MAN1C1: variants seen among roughly 807,000 people sequenced by gnomAD.
The protein encoded by MAN1C1 is mannosidase alpha class 1C member 1.
A neutral mutation model predicts 71.5 loss-of-function variants in MAN1C1; 49 were observed. The observed-to-expected ratio is 0.69, with a 90% CI of 0.54 to 0.87. The LOEUF (loss-of-function observed/expected upper bound fraction) is 0.87. MAN1C1 is among the 40% of genes least tolerant of loss of function. The pLI, the probability that MAN1C1 is intolerant of heterozygous loss-of-function variation, is 0.00. For synonymous variants in MAN1C1, 352 were observed against 343.7 expected, an observed-to-expected ratio of 1.02 and a Z score of -0.27; for missense variants, 743 against 835.0, an observed-to-expected ratio of 0.89 and a Z score of 1.36.
At chr1:25,759,025 T>C (rs2047326776) in intron 6 of MAN1C1, 1 of 286,804 alleles carries the variant, frequency 3.5e-6, no homozygotes, top group Non-Finnish European at 6.7e-6. Context: ...CTGGAGAAAG[T>C]GCAACTGAAA....
chr1:25,757,079 C>T (rs1218280570), intron 5 of MAN1C1, among the ~76,000 whole-genome samples: 3 of 152,096 alleles, frequency 2.0e-5, no homozygotes, highest in African/African-American at 7.2e-5. Context: ...GGTAAGTGTC[C>T]CTACTTTCCC....
At chr1:25,648,134 A>AGATGGCATCTTATAAGATG (rs1553182967) in intron 1 of MAN1C1, among the ~76,000 whole-genome samples, 1 of 152,210 alleles carries the variant, frequency 6.6e-6, no homozygotes, top group African/African-American at 2.4e-5. Flanking sequence ...CCATCTTATA[A>AGATGGCATCTTATAAGATG]GCAGCATTAG....
intron 1 of MAN1C1, among the ~76,000 whole-genome samples, chr1:25,641,459 G>A (rs1010412934): frequency 2.0e-5 from 3 of 152,236 alleles, no homozygotes; most frequent in Admixed American, 6.5e-5. Context: ...ATGGAAGAGC[G>A]TAGAAACTGT....
At chr1:25,654,885 T>C (rs1353357429) in intron 1 of MAN1C1, among the ~76,000 whole-genome samples, 1 of 152,178 alleles carries the variant, frequency 6.6e-6, no homozygotes. Flanking sequence ...GACCTCACGA[T>C]CTGCCCACCT....
At chr1:25,719,844 C>T (rs886513064) in intron 2 of MAN1C1, among the ~76,000 whole-genome samples, 15 of 152,118 alleles carry the variant, frequency 9.9e-5, no homozygotes, top group South Asian at 4.1e-4. Context: ...AATAGAGTGG[C>T]GCAATCCTGG....
At position 25,639,740 on chromosome 1, in the gene MAN1C1, T is replaced by TA. The variant is rs2045512717; in HGVS notation, c.540+21404dup. Among the ~76,000 whole-genome samples, 5 of 152,208 alleles carry TA rather than the reference T, an allele frequency of 3.3e-5. No homozygotes were observed. The South Asian group carries it at 1.0e-3, about 32-fold the overall frequency. On this transcript the variant is annotated intron_variant, in intron 1 of 11. Coordinates refer to ENST00000374332, the MANE Select transcript of MAN1C1 (RefSeq NM_020379.4). ...CATAATTTAGATATTTAAAGATTCT[T>TA]ACTTATTTTTTTGTAATTGGCATTG...
At chr1:25,701,921 G>T (rs1197514282) in intron 2 of MAN1C1, among the ~76,000 whole-genome samples, 2 of 152,160 alleles carry the variant, frequency 1.3e-5, no homozygotes, top group Non-Finnish European at 2.9e-5. Flanking sequence ...TCAGCCGGGC[G>T]TGGTGGTGCA....
chr1:25,737,345 G>T (rs952018384), intron 2 of MAN1C1, among the ~76,000 whole-genome samples: 1 of 152,202 alleles, frequency 6.6e-6, no homozygotes, highest in African/African-American at 2.4e-5. Flanking sequence ...GCTCAGGAAG[G>T]GTGGAGGAAG....
At chr1:25,749,758 G>A (rs779441560) in intron 4 of MAN1C1, among the ~76,000 whole-genome samples, 9 of 152,146 alleles carry the variant, frequency 5.9e-5, no homozygotes, top group Non-Finnish European at 1.3e-4. Context: ...CATCCAGCAG[G>A]CACCTGGGCT....
chr1:25,703,046 T>G (rs1178997708), intron 2 of MAN1C1, among the ~76,000 whole-genome samples: 1 of 152,200 alleles, frequency 6.6e-6, no homozygotes, highest in African/African-American at 2.4e-5. Flanking sequence ...GAAATTCTGG[T>G]TCATTGGGTC....
chr1:25,679,874 C>G (rs75270252), intron 1 of MAN1C1, among the ~76,000 whole-genome samples: 2 of 121,838 alleles, frequency 1.6e-5, no homozygotes, highest in Admixed American at 1.8e-4. Flanking sequence ...TCTTTTTTTT[C>G]TTTTTTTGAG....
At chr1:25,688,200 A>T (rs997736155) in intron 2 of MAN1C1, among the ~76,000 whole-genome samples, 1 of 152,120 alleles carries the variant, frequency 6.6e-6, no homozygotes, top group African/African-American at 2.4e-5. Flanking sequence ...GGAGGAAGAG[A>T]GATGTTTCTT....
chr1:25,690,916 C>T, intron 2 of MAN1C1, among the ~76,000 whole-genome samples: 1 of 152,180 alleles, frequency 6.6e-6, no homozygotes, highest in East Asian at 1.9e-4. Context: ...GAGGAACCAG[C>T]CGTAAAGTGG....
chr1:25,689,740 G>A (rs571992180), intron 2 of MAN1C1, among the ~76,000 whole-genome samples: 1 of 152,292 alleles, frequency 6.6e-6, no homozygotes, highest in African/African-American at 2.4e-5. Flanking sequence ...CTCCCTATAG[G>A]CTGAGCCCTG....
chr1:25,669,500 C>T lies in MAN1C1; in HGVS notation c.541-16940C>T, dbSNP rs113230361. 5.3e-3 allele frequency among the ~76,000 whole-genome samples: 809 copies of T among 152,276 alleles called. 7 individuals are homozygous for T. Among genetic ancestry groups the T allele is most frequent in the African/African-American group, 0.018 (748 of 41,542 alleles). On this transcript the variant is annotated intron_variant, in intron 1 of 11. Coordinates refer to ENST00000374332, the MANE Select transcript of MAN1C1 (RefSeq NM_020379.4). ...ATACTGGCACCATCGGGCACACTGG[C>T]TTGTGCTTTTAACCATAGCACTTTG...
chr1:25,728,160 A>T (rs1330235619), intron 2 of MAN1C1, among the ~76,000 whole-genome samples: 1 of 152,178 alleles, frequency 6.6e-6, no homozygotes, highest in East Asian at 1.9e-4. Context: ...CTGGAGTGAG[A>T]GTCCCCAGCC....
chr1:25,746,383 T>C lies in MAN1C1; in HGVS notation c.638-285T>C, dbSNP rs2047128644. Among the ~76,000 whole-genome samples, 1 of 152,232 alleles carries C rather than the reference T, an allele frequency of 6.6e-6. No homozygotes were observed. The highest frequency in any genetic ancestry group is 6.5e-5 in the Admixed American group (1 of 15,284). On this transcript the variant is annotated intron_variant, in intron 2 of 11. Coordinates refer to ENST00000374332, the MANE Select transcript of MAN1C1 (RefSeq NM_020379.4). This position sits in a 1 kb window ranked among gnomAD's most constrained non-coding sequence, Gnocchi z 4.0. ...TGATTGGCACTGATAGTTGACCCGCTGACCAACAGAAGAGTGGACCGAGTC... is the reference window on the plus strand; with the variant it reads ...TGATTGGCACTGATAGTTGACCCGCCGACCAACAGAAGAGTGGACCGAGTC...
chr1:25,655,341 A>G (rs1471493137), intron 1 of MAN1C1, among the ~76,000 whole-genome samples: 1 of 152,150 alleles, frequency 6.6e-6, no homozygotes, highest in Non-Finnish European at 1.5e-5. Context: ...CTGCTCTTCC[A>G]GGGTTAAAGT....
At chr1:25,758,766 C>T in intron 6 of MAN1C1, 57 bp downstream of exon 6, 1 of 1,499,532 alleles carries the variant, frequency 6.7e-7, no homozygotes, top group South Asian at 1.1e-5. Context: ...GTGCGGCTGC[C>T]ACAGGGTTTT....
Sources: allele counts gnomAD v4.1 joint callset (sites outside exome capture counted in the v4.1 genomes callset), GRCh38; gene constraint gnomAD v4.1.1; non-coding constraint Gnocchi (gnomAD v3.1); transcripts MANE v1.5; gene names NCBI Gene and HGNC (gene_info 2026-07-23, HGNC 2026-07-21).